Variants in CNOT4 observed in about 807,000 individuals in gnomAD.
The protein encoded by CNOT4 is CCR4-associated factor 4.
A neutral mutation model predicts 73.8 loss-of-function variants in CNOT4; 8 were observed. The observed-to-expected ratio is 0.11, with a 90% CI of 0.06 to 0.20. CNOT4 has a LOEUF of 0.20. Among genes scored for constraint, CNOT4 ranks in the 10% least tolerant of loss-of-function variants. The pLI is 1.00. For synonymous variants in CNOT4, 293 were observed against 321.1 expected (o/e 0.91, Z 0.94); for missense variants, 564 against 883.4 (o/e 0.64, Z 4.58).
intron 10 of CNOT4, chr7:135,388,285 T>A: frequency 1.0e-6 from 1 of 985,250 alleles, no homozygotes; most frequent in Non-Finnish European, 1.2e-6. Context: ...CTAAAAACAA[T>A]CGCCAACAAT....
At chr7:135,507,197 A>G (rs1320211145) in intron 1 of CNOT4, among the ~76,000 whole-genome samples, 1 of 152,188 alleles carries the variant, frequency 6.6e-6, no homozygotes, top group African/African-American at 2.4e-5. Flanking sequence ...ATTTTTCTGC[A>G]CTTTGTCATT....
intron 1 of CNOT4, among the ~76,000 whole-genome samples, chr7:135,465,007 ATACT>A (rs1420024101): frequency 6.6e-6 from 1 of 152,218 alleles, no homozygotes; most frequent in Admixed American, 6.5e-5. Context: ...TTTTGTATAC[ATACT>A]ATTATTTTAT....
intron 1 of CNOT4, among the ~76,000 whole-genome samples, chr7:135,503,267 C>G (rs991089251): frequency 1.3e-5 from 2 of 152,152 alleles, no homozygotes; most frequent in South Asian, 4.1e-4. Context: ...AAGTTTGAGA[C>G]TACCCTGGGC....
intron 1 of CNOT4, among the ~76,000 whole-genome samples, chr7:135,446,495 G>A (rs1250522246): frequency 6.6e-6 from 1 of 152,110 alleles, no homozygotes; most frequent in Non-Finnish European, 1.5e-5. Context: ...GTACATAACA[G>A]TACTTTTATA....
At chr7:135,368,454 A>G (rs1224878969) in intron 10 of CNOT4, among the ~76,000 whole-genome samples, 1 of 152,250 alleles carries the variant, frequency 6.6e-6, no homozygotes, top group Non-Finnish European at 1.5e-5. Context: ...TCAAGGGGCT[A>G]AAAGTCTAGA....
In CNOT4 at chr7:135,394,054, G is replaced by A; in HGVS notation, c.1491C>T (p.Arg497=). ...TGCGTGGAAAGGCCATCCAAGGATA[G>A]CGGGCTGCCTGGCCTGGAAAACTGA... The part of the protein sequence containing the change: ...NSFSFPGQAA[R]YPWMAFPRNS... Residue 497 remains arginine, a synonymous_variant, in exon 10 of 12, where the codon CGC becomes CGT. Transcript: ENST00000541284. 6.2e-7 allele frequency: 1 copy of A among 1,614,182 alleles called. No homozygotes were observed.
intron 1 of CNOT4, among the ~76,000 whole-genome samples, chr7:135,467,778 T>C (rs988223101): frequency 6.6e-6 from 1 of 152,090 alleles, no homozygotes; most frequent in African/African-American, 2.4e-5. Flanking sequence ...GGAAACACAG[T>C]GTGCGAATGG....
intron 1 of CNOT4, among the ~76,000 whole-genome samples, chr7:135,502,970 T>C (rs1279899820): frequency 6.9e-6 from 1 of 145,372 alleles, no homozygotes; most frequent in African/African-American, 2.6e-5. Context: ...CTGGCCAACA[T>C]GGTGAAACCC....
intron 10 of CNOT4, chr7:135,386,748 G>GT (rs1384256931): frequency 6.6e-6 from 1 of 152,192 alleles, no homozygotes; most frequent in Non-Finnish European, 1.5e-5. Context: ...CGGTGTGCAT[G>GT]TAAGTGGGGG....
intron 1 of CNOT4, among the ~76,000 whole-genome samples, chr7:135,480,915 A>ATC (rs370551598): frequency 5.3e-5 from 8 of 149,656 alleles, no homozygotes; most frequent in East Asian, 3.9e-4. Context: ...ATGAAACTGG[A>ATC]TCTCTCTCTC....
At chr7:135,427,764 T>A (rs1296528477) in intron 2 of CNOT4, among the ~76,000 whole-genome samples, 2 of 146,044 alleles carry the variant, frequency 1.4e-5, no homozygotes, top group Non-Finnish European at 2.9e-5. Flanking sequence ...ACATAAAAAT[T>A]TTTTTTTTCT....
intron 1 of CNOT4, among the ~76,000 whole-genome samples, chr7:135,481,223 A>T (rs1309404106): frequency 6.6e-6 from 1 of 152,096 alleles, no homozygotes; most frequent in Admixed American, 6.6e-5. Flanking sequence ...AATATACAAG[A>T]AACTCAAACC....
chr7:135,452,080 A>T (rs1001049775), intron 1 of CNOT4, among the ~76,000 whole-genome samples: 1 of 150,028 alleles, frequency 6.7e-6, no homozygotes, highest in East Asian at 2.0e-4. Flanking sequence ...AGACCCTATC[A>T]GTACAAAAAA....
intron 1 of CNOT4, among the ~76,000 whole-genome samples, chr7:135,470,264 G>C (rs1801494423): frequency 1.3e-5 from 2 of 151,906 alleles, no homozygotes; most frequent in Admixed American, 1.3e-4. Flanking sequence ...TGAGTAGCTA[G>C]GACCCACGGG....
At chr7:135,455,872 AC>A (rs775331132) in intron 1 of CNOT4, among the ~76,000 whole-genome samples, 2 of 152,126 alleles carry the variant, frequency 1.3e-5, no homozygotes, top group Non-Finnish European at 2.9e-5. Context: ...TCTCAAAAAA[AC>A]AAACAAACAA....
At chr7:135,479,075 T>C (rs939986499) in intron 1 of CNOT4, among the ~76,000 whole-genome samples, 7 of 152,154 alleles carry the variant, frequency 4.6e-5, no homozygotes, top group African/African-American at 1.7e-4. Context: ...AACAAATTCT[T>C]AGAAATGAAA....
chr7:135,501,414 T>G (rs965754253), intron 1 of CNOT4, among the ~76,000 whole-genome samples: 2 of 152,198 alleles, frequency 1.3e-5, no homozygotes, highest in African/African-American at 4.8e-5. Flanking sequence ...TCTCTACTCT[T>G]CAAAACCTTG....
chr7:135,403,536 T>C (rs1405700904), intron 7 of CNOT4, among the ~76,000 whole-genome samples: 1 of 152,166 alleles, frequency 6.6e-6, no homozygotes, highest in Non-Finnish European at 1.5e-5. Flanking sequence ...GGAAGATCAC[T>C]TGAGCTCGGG....
chr7:135,488,412 C>T (rs963286326), intron 1 of CNOT4, among the ~76,000 whole-genome samples: 2 of 152,160 alleles, frequency 1.3e-5, no homozygotes, highest in Non-Finnish European at 1.5e-5. Flanking sequence ...GGGGTTTCAC[C>T]GTGTTGGCCA....
Sources: gnomAD v4.1 joint callset for allele counts (sites outside exome capture counted in the v4.1 genomes callset) on GRCh38, gnomAD v4.1.1 for gene constraint, MANE v1.5 for transcripts, NCBI Gene and HGNC (gene_info 2026-07-23, HGNC 2026-07-21) for gene names.